The following BBX variants were observed in gnomAD, a reference collection of about 807,000 sequenced individuals.
BBX encodes BBX high mobility group box domain containing.
BBX carries 30 observed loss-of-function variants against 100.2 expected under a neutral mutation model. The observed-to-expected ratio is 0.30, with a 90% CI of 0.22 to 0.41. The LOEUF (loss-of-function observed/expected upper bound fraction) is 0.41. Among genes scored for constraint, BBX ranks in the 10% least tolerant of loss-of-function variants. The pLI, the probability that BBX is intolerant of heterozygous loss-of-function variation, is 1.00. For synonymous variants in BBX, 376 were observed against 388.1 expected, an observed-to-expected ratio of 0.97 and a Z score of 0.37; for missense variants, 1,023 against 1,129.8, an observed-to-expected ratio of 0.91 and a Z score of 1.35.
intron 2 of BBX, among the ~76,000 whole-genome samples, chr3:107,556,327 A>T (rs533657184): frequency 2.8e-4 from 43 of 152,332 alleles, no homozygotes; most frequent in African/African-American, 9.9e-4. Context: ...GGTTCATATT[A>T]GATTCATAAT....
At chr3:107,616,005 CTTTTTTTTTTTTTT>C (rs59614452) in intron 2 of BBX, among the ~76,000 whole-genome samples, 31 of 19,246 alleles carry the variant, frequency 1.6e-3, no homozygotes, top group South Asian at 3.8e-3. Flanking sequence ...TACTCACCTG[CTTTTTTTTTTTTTT>C]TTTTTTTTTT....
chr3:107,577,444 A>G (rs1004329491), intron 2 of BBX, among the ~76,000 whole-genome samples: 1 of 152,206 alleles, frequency 6.6e-6, no homozygotes, highest in African/African-American at 2.4e-5. Flanking sequence ...ATATTCTGCT[A>G]CTATCTTACT....
intron 3 of BBX, among the ~76,000 whole-genome samples, chr3:107,706,687 T>A (rs1259504515): frequency 6.6e-6 from 1 of 152,256 alleles, no homozygotes; most frequent in African/African-American, 2.4e-5. Context: ...GGTTATTAGC[T>A]TAATTTGCTC....
intron 3 of BBX, among the ~76,000 whole-genome samples, chr3:107,670,063 G>A (rs559928668): frequency 2.0e-5 from 3 of 152,110 alleles, no homozygotes; most frequent in African/African-American, 7.2e-5. Flanking sequence ...GTACACCTGA[G>A]TTTGAATCAG....
chr3:107,599,091 G>A (rs557235190), intron 2 of BBX, among the ~76,000 whole-genome samples: 45 of 152,250 alleles, frequency 3.0e-4, no homozygotes, highest in Admixed American at 2.2e-3. Context: ...GGGCTCTGGC[G>A]GGGCTGTAAG....
chr3:107,618,194 G>A lies in BBX; in HGVS notation c.-83-27642G>A, dbSNP rs186624858. On this transcript the variant is annotated intron_variant, in intron 2 of 17. Coordinates refer to ENST00000325805, the MANE Select transcript of BBX (RefSeq NM_001142568.3). ...GTACATTCCTTGATTTTTGAATATGGACTCATCCTTGTATTCCTGAAATAA... is the reference window on the plus strand; with the variant it reads ...GTACATTCCTTGATTTTTGAATATGAACTCATCCTTGTATTCCTGAAATAA... Among the ~76,000 whole-genome samples, 3 of 151,732 alleles carry A rather than the reference G, an allele frequency of 2.0e-5. No homozygotes were observed. In the East Asian group the frequency reaches 5.8e-4, roughly 29 times the overall value.
At chr3:107,592,098 TCC>T (rs2053360018) in intron 2 of BBX, among the ~76,000 whole-genome samples, 1 of 148,640 alleles carries the variant, frequency 6.7e-6, no homozygotes, top group Non-Finnish European at 1.5e-5. Flanking sequence ...GTTAACAGTC[TCC>T]CAGTTTAGTA....
intron 2 of BBX, among the ~76,000 whole-genome samples, chr3:107,526,985 T>C (rs1455782981): frequency 6.6e-6 from 1 of 152,194 alleles, no homozygotes; most frequent in African/African-American, 2.4e-5. Context: ...TTGGAGAAAT[T>C]AGGAACAATT....
intron 15 of BBX, among the ~76,000 whole-genome samples, chr3:107,794,463 G>A (rs1204201791): frequency 6.6e-6 from 1 of 151,718 alleles, no homozygotes; most frequent in East Asian, 1.9e-4. Context: ...CAAAACCTAG[G>A]ACTAGGAATC....
intron 7 of BBX, among the ~76,000 whole-genome samples, chr3:107,734,524 T>TA (rs1390680172): frequency 6.6e-6 from 1 of 152,174 alleles, no homozygotes; most frequent in Non-Finnish European, 1.5e-5. Context: ...GTTCCAAAGG[T>TA]GAATGTTGGA....
At chr3:107,797,364 A>G (rs58921885) in intron 15 of BBX, among the ~76,000 whole-genome samples, 19,452 of 109,612 alleles carry the variant, frequency 0.18, 3,063 homozygotes, top group Middle Eastern at 0.39. Context: ...ATATATATAT[A>G]GCTTTATTGC....
intron 3 of BBX, among the ~76,000 whole-genome samples, chr3:107,689,492 G>C (rs1424900137): frequency 6.6e-6 from 1 of 152,190 alleles, no homozygotes; most frequent in Non-Finnish European, 1.5e-5. Context: ...AAGCGTATTT[G>C]TTTTGAAAGA....
At chr3:107,538,311 C>T (rs1292800856) in intron 2 of BBX, among the ~76,000 whole-genome samples, 2 of 152,060 alleles carry the variant, frequency 1.3e-5, no homozygotes, top group African/African-American at 4.8e-5. Flanking sequence ...CACATGAGCA[C>T]AGAATTATAC....
rs932341647 is a variant in BBX, at chr3:107,774,852, C to G, written c.2049C>G (p.Leu683=). ...FKKTKPKEDC[L]LGSAKLDEEF... ...AGACAAAGCCAAAAGAAGACTGTCT[C>G]CTTGGGTAAGTGCCTGTGAGCACAG... The change falls in exon 12 of 18, where the codon CTC becomes CTG. Residue 683 remains leucine (L), a synonymous_variant. Coordinates refer to ENST00000325805, the MANE Select transcript of BBX (RefSeq NM_001142568.3). 6.2e-7 allele frequency: 1 copy of G among 1,612,980 alleles called. No individual in the cohort carries two copies. Among genetic ancestry groups the G allele is most frequent in the African/African-American group, 1.3e-5 (1 of 74,974 alleles).
chr3:107,687,087 GAA>G, intron 3 of BBX, among the ~76,000 whole-genome samples: 1 of 152,218 alleles, frequency 6.6e-6, no homozygotes, highest in African/African-American at 2.4e-5. Context: ...AAATGTTGGA[GAA>G]GTTATTTTTT....
At chr3:107,653,953 C>T (rs2057991817) in intron 3 of BBX, among the ~76,000 whole-genome samples, 1 of 152,168 alleles carries the variant, frequency 6.6e-6, no homozygotes, top group Non-Finnish European at 1.5e-5. Flanking sequence ...TAGTATATAC[C>T]CTCCTGTCCA....
chr3:107,588,564 G>A (rs1326147095), intron 2 of BBX, among the ~76,000 whole-genome samples: 1 of 152,190 alleles, frequency 6.6e-6, no homozygotes, highest in African/African-American at 2.4e-5. Flanking sequence ...TTAAGATTCA[G>A]ATCCCAGTTT....
At chr3:107,798,834 CT>C in intron 16 of BBX, 114 bp downstream of exon 16, 2 of 723,080 alleles carry the variant, frequency 2.8e-6, no homozygotes, top group Non-Finnish European at 2.1e-6. Flanking sequence ...AGCCAATGAG[CT>C]AAAAAAAAAA....
At chr3:107,671,836 G>A (rs961163591) in intron 3 of BBX, among the ~76,000 whole-genome samples, 4 of 152,044 alleles carry the variant, frequency 2.6e-5, no homozygotes, top group African/African-American at 7.2e-5. Flanking sequence ...CATGCTACAA[G>A]AATAATGACC....
Sources: gnomAD v4.1 joint callset for allele counts (sites outside exome capture counted in the v4.1 genomes callset) on GRCh38, gnomAD v4.1.1 for gene constraint, MANE v1.5 for transcripts, NCBI Gene and HGNC (gene_info 2026-07-23, HGNC 2026-07-21) for gene names.